The following LRRC4C variants were observed in gnomAD, a reference collection of about 807,000 sequenced individuals.
The protein encoded by LRRC4C is leucine rich repeat containing 4C, also known as leucine-rich repeat-containing protein 4C.
A neutral mutation model predicts 33.6 loss-of-function variants in LRRC4C; 5 were observed. The ratio of observed to expected loss-of-function variants is 0.15; its 90% CI spans 0.08 to 0.31. The LOEUF (loss-of-function observed/expected upper bound fraction) is 0.31, where lower values mean the gene tolerates loss of function less well. LRRC4C is among the 10% of genes least tolerant of loss of function. LRRC4C has a pLI of 1.00. For missense variants in LRRC4C, 560 were observed against 796.7 expected, an observed-to-expected ratio of 0.70 and a Z score of 3.58; for synonymous variants, 329 against 302.0, an observed-to-expected ratio of 1.09 and a Z score of -0.93.
chr11:41,369,474 A>G (rs1280305845), intron 1 of LRRC4C, among the ~76,000 whole-genome samples: 1 of 152,076 alleles, frequency 6.6e-6, no homozygotes, highest in East Asian at 1.9e-4. Context: ...AACAATCTGT[A>G]CAACAAACCC....
At chr11:40,829,301 T>C (rs1299723617) in intron 2 of LRRC4C, among the ~76,000 whole-genome samples, 2 of 152,022 alleles carry the variant, frequency 1.3e-5, no homozygotes, top group African/African-American at 4.8e-5. Flanking sequence ...CCTACCAATA[T>C]TGAAACAGTA....
At chr11:41,336,661 A>C (rs1256465807) in intron 1 of LRRC4C, among the ~76,000 whole-genome samples, 2 of 152,172 alleles carry the variant, frequency 1.3e-5, no homozygotes, top group Non-Finnish European at 2.9e-5. Context: ...AGGAAATGTG[A>C]AAGTCCTCTT....
intron 1 of LRRC4C, among the ~76,000 whole-genome samples, chr11:41,288,921 AT>A (rs10557057): frequency 0.62 from 93,203 of 151,060 alleles, 29,580 homozygotes; most frequent in South Asian, 0.71. Flanking sequence ...ATGAACCTTT[AT>A]TTTTTTTTTT....
chr11:40,279,696 G>A (rs963976411), intron 4 of LRRC4C, among the ~76,000 whole-genome samples: 7 of 152,108 alleles, frequency 4.6e-5, no homozygotes, highest in African/African-American at 1.7e-4. Flanking sequence ...TAAATTGCCT[G>A]AAACCACAGA....
intron 3 of LRRC4C, among the ~76,000 whole-genome samples, chr11:40,367,889 G>A (rs1199210627): frequency 6.6e-6 from 1 of 152,012 alleles, no homozygotes; most frequent in African/African-American, 2.4e-5. Flanking sequence ...GCAGAGTTTT[G>A]CATATTTATA....
chr11:41,176,389 C>T (rs1020172069), intron 1 of LRRC4C, among the ~76,000 whole-genome samples: 7 of 152,050 alleles, frequency 4.6e-5, no homozygotes, highest in Non-Finnish European at 8.8e-5. Context: ...TTCCTTTCTC[C>T]TATCTTTCAC....
At chr11:40,903,904 A>AAT (rs552279246) in intron 2 of LRRC4C, among the ~76,000 whole-genome samples, 5,762 of 150,602 alleles carry the variant, frequency 0.038, 129 homozygotes, top group Middle Eastern at 0.062. Context: ...GTACTTCATA[A>AAT]ATATATATAT....
At chr11:40,676,225 T>C (rs1179825699) in intron 2 of LRRC4C, among the ~76,000 whole-genome samples, 3 of 152,200 alleles carry the variant, frequency 2.0e-5, no homozygotes, top group Non-Finnish European at 4.4e-5. Context: ...GTAGCATAAA[T>C]CTTTTATGGC....
intron 4 of LRRC4C, among the ~76,000 whole-genome samples, chr11:40,301,928 C>T (rs1335692716): frequency 2.0e-5 from 3 of 152,122 alleles, no homozygotes; most frequent in Non-Finnish European, 2.9e-5. Context: ...ATGATATTGA[C>T]ACCGAAATGG....
chr11:41,009,740 G>A lies in LRRC4C; in HGVS notation c.-495-76017C>T, dbSNP rs76332809. 8.0e-3 allele frequency among the ~76,000 whole-genome samples: 1,210 copies of A among 152,118 alleles called. 17 individuals are homozygous for A. The highest frequency in any genetic ancestry group is 0.028 in the African/African-American group (1,150 of 41,496). On this transcript the variant is annotated intron_variant, in intron 1 of 6. Coordinates refer to ENST00000528697, the MANE Select transcript of LRRC4C (RefSeq NM_001258419.2). Reference sequence around the variant, plus strand: ...CAGATCAGAGCCATAGACTATAACTGGGTGACTACTACCCTTTTGGAGAGG... The same window carrying A: ...CAGATCAGAGCCATAGACTATAACTAGGTGACTACTACCCTTTTGGAGAGG...
intron 2 of LRRC4C, among the ~76,000 whole-genome samples, chr11:40,929,737 C>T (rs1957538775): frequency 6.6e-6 from 1 of 152,136 alleles, no homozygotes; most frequent in South Asian, 2.1e-4. Flanking sequence ...GCCTCAGCCT[C>T]CCGAGTAGCT....
chr11:40,841,210 C>A (rs1952896788), intron 2 of LRRC4C, among the ~76,000 whole-genome samples: 1 of 152,070 alleles, frequency 6.6e-6, no homozygotes, highest in Non-Finnish European at 1.5e-5. Context: ...TTCATTATTG[C>A]TAAGTCAAAA....
intron 1 of LRRC4C, among the ~76,000 whole-genome samples, chr11:41,351,772 T>C (rs528840935): frequency 6.6e-6 from 1 of 152,274 alleles, no homozygotes; most frequent in Non-Finnish European, 1.5e-5. Flanking sequence ...TGTATACCTA[T>C]CCAAACTAAG....
At chr11:40,867,521 T>C (rs901039174) in intron 2 of LRRC4C, among the ~76,000 whole-genome samples, 2 of 152,222 alleles carry the variant, frequency 1.3e-5, no homozygotes, top group Non-Finnish European at 2.9e-5. Context: ...TGTATAGTAG[T>C]CTAGACTTCT....
intron 1 of LRRC4C, among the ~76,000 whole-genome samples, chr11:41,051,497 C>T (rs1400292871): frequency 1.0e-4 from 11 of 108,256 alleles, no homozygotes; most frequent in Non-Finnish European, 1.9e-4. Flanking sequence ...ATCTGGAACT[C>T]AGTCCCTCCC....
intron 5 of LRRC4C, among the ~76,000 whole-genome samples, chr11:40,189,909 CT>C (rs1225409587): frequency 2.6e-5 from 4 of 152,174 alleles, no homozygotes; most frequent in African/African-American, 9.7e-5. Context: ...TTTATAACAA[CT>C]AGCCTTTGTT....
At chr11:40,846,845 G>A (rs919016333) in intron 2 of LRRC4C, among the ~76,000 whole-genome samples, 2 of 152,036 alleles carry the variant, frequency 1.3e-5, no homozygotes, top group Admixed American at 1.3e-4. Flanking sequence ...GAGCAGTGGT[G>A]TGTAGTTCTC....
intron 1 of LRRC4C, among the ~76,000 whole-genome samples, chr11:41,128,448 C>G (rs1412454490): frequency 1.3e-5 from 2 of 152,034 alleles, no homozygotes; most frequent in Non-Finnish European, 2.9e-5. Context: ...AGAGATATGA[C>G]AGTGCTTGCT....
At chr11:40,931,661 ATGTG>A (rs56698782) in intron 2 of LRRC4C, among the ~76,000 whole-genome samples, 1 of 150,392 alleles carries the variant, frequency 6.6e-6, no homozygotes, top group Non-Finnish European at 1.5e-5. Flanking sequence ...AGGGGTGTGT[ATGTG>A]TGTGTGTGTG....
Sources: gnomAD v4.1 joint callset for allele counts (sites outside exome capture counted in the v4.1 genomes callset) on GRCh38, gnomAD v4.1.1 for gene constraint, MANE v1.5 for transcripts, NCBI Gene and HGNC (gene_info 2026-07-23, HGNC 2026-07-21) for gene names.